The following PCDHGB3 variants were observed in gnomAD, a reference collection of about 807,000 sequenced individuals.
PCDHGB3 encodes the protein protocadherin gamma-B3.
PCDHGB3 carries 40 observed loss-of-function variants against 59.2 expected under a neutral mutation model. The observed-to-expected ratio is 0.68, with a 90% CI of 0.52 to 0.88. The LOEUF is 0.88. Among genes scored for constraint, PCDHGB3 ranks in the 40% least tolerant of loss-of-function variants. The pLI, the probability that PCDHGB3 is intolerant of heterozygous loss-of-function variation, is 0.00. For synonymous variants in PCDHGB3, 581 were observed against 503.6 expected, an observed-to-expected ratio of 1.15 and a Z score of -2.06; for missense variants, 1,309 against 1,187.9, an observed-to-expected ratio of 1.10 and a Z score of -1.50.
intron 1 of PCDHGB3, chr5:141,417,490 T>C (rs1296739869): frequency 4.7e-6 from 1 of 210,618 alleles, no homozygotes; most frequent in Non-Finnish European, 9.3e-6. Context: ...AAGGAATCAC[T>C]GAGGAAAAAG....
chr5:141,394,724 G>C (rs2093074353), intron 1 of PCDHGB3: 2 of 1,613,380 alleles, frequency 1.2e-6, no homozygotes, highest in Non-Finnish European at 1.7e-6. Context: ...ACAGAGATGC[G>C]CTCAAGCAGA....
intron 1 of PCDHGB3, chr5:141,422,658 C>T (rs2096662185): frequency 6.2e-7 from 1 of 1,609,912 alleles, no homozygotes; most frequent in Non-Finnish European, 8.5e-7. Context: ...CAGTGACCGC[C>T]CTCGACCCGG....
intron 1 of PCDHGB3, chr5:141,399,149 C>A: frequency 6.2e-7 from 1 of 1,613,772 alleles, no homozygotes; most frequent in Non-Finnish European, 8.5e-7. Flanking sequence ...GACAATAGCC[C>A]AGAAGTTACA....
rs750401937 is a variant in PCDHGB3 at position 141,487,357 on chromosome 5, T to G, written c.2416-7450T>G. 5.0e-6 allele frequency: 8 copies of G among 1,614,212 alleles called. No homozygotes were observed. The highest frequency in any genetic ancestry group is 6.8e-6 in the Non-Finnish European group (8 of 1,180,032). ...CCTGTGGAGTCACATGCTTTCCTGC[T>G]GGCACCTGTGCCTGTCTCACCAGAT... On this transcript the variant is annotated intron_variant, in intron 1 of 3. Transcript: ENST00000576222. This position sits in a 1 kb window ranked among gnomAD's most constrained non-coding sequence, Gnocchi z 5.0.
chr5:141,389,121 A>T (rs754294132), intron 1 of PCDHGB3: 2 of 1,613,910 alleles, frequency 1.2e-6, no homozygotes, highest in Non-Finnish European at 1.7e-6. Flanking sequence ...CCGCGAGCAG[A>T]ATCCAGAGTA....
chr5:141,384,995 C>T (rs1485778293), intron 1 of PCDHGB3: 2 of 1,614,034 alleles, frequency 1.2e-6, no homozygotes, highest in African/African-American at 1.3e-5. Context: ...GCGGTGGCCA[C>T]AGTCTCCTGC....
chr5:141,490,846 G>T lies in PCDHGB3; in HGVS notation c.2416-3961G>T. 1 of 1,613,880 alleles carries T rather than the reference G, an allele frequency of 6.2e-7. No individual in the cohort carries two copies. Among genetic ancestry groups the T allele is most frequent in the Non-Finnish European group, 8.5e-7 (1 of 1,179,906 alleles). ...GCAGATGCTGCAGATTGTGGTGGGG[G>T]TTCGAGACTCCGGCTCTCCCCCATT... On this transcript the variant is annotated intron_variant, in intron 1 of 3. Coordinates refer to ENST00000576222, the MANE Select transcript of PCDHGB3 (RefSeq NM_018924.5). This position sits in a 1 kb window ranked among gnomAD's most constrained non-coding sequence, Gnocchi z 5.4.
Position 141,454,549 on chromosome 5 carries a change from G to A in PCDHGB3, c.2416-40258G>A, listed in dbSNP as rs188623155. ...AGCCTCCCAAGTAGCTGAGATTACA[G>A]GCATGTGCCACCACGCCCGGCTAAT... On this transcript the variant is annotated intron_variant, in intron 1 of 3. Transcript: ENST00000576222. Among the ~76,000 whole-genome samples, 406 of 152,154 alleles carry A rather than the reference G, an allele frequency of 2.7e-3. 2 individuals are homozygous for A. The highest frequency in any genetic ancestry group is 0.021 in the South Asian group (99 of 4,814).
chr5:141,501,296 C>T (rs4912760), intron 2 of PCDHGB3, among the ~76,000 whole-genome samples: 1,659 of 80,026 alleles, frequency 0.021, 16 homozygotes, highest in African/African-American at 0.042. Flanking sequence ...CTTATACACA[C>T]ACACACACAC....
intron 1 of PCDHGB3, chr5:141,375,397 C>T: frequency 6.2e-7 from 1 of 1,614,010 alleles, no homozygotes; most frequent in Non-Finnish European, 8.5e-7. Flanking sequence ...AAACAATCAT[C>T]TCTCTAAATG....
chr5:141,484,962 G>A (rs2099604361), intron 1 of PCDHGB3: 1 of 577,858 alleles, frequency 1.7e-6, no homozygotes, highest in Non-Finnish European at 3.1e-6. Flanking sequence ...GGCTGAGCCC[G>A]GGAGCCGCTG....
intron 1 of PCDHGB3, among the ~76,000 whole-genome samples, chr5:141,381,181 G>A (rs1777044636): frequency 6.6e-6 from 1 of 152,230 alleles, no homozygotes; most frequent in African/African-American, 2.4e-5. Flanking sequence ...ACAAAACGAA[G>A]TTAAGCTTTC....
At position 141,386,477 on chromosome 5, in the gene PCDHGB3, G is replaced by A. The variant is rs78371655; in HGVS notation, c.2415+13668G>A. ...GACAGCTTGAACCCAAGAATTGGAG[G>A]CCCACCTAGATAATATAACAAGACT... is the stretch of plus-strand genomic sequence containing the variant. On this transcript the variant is annotated intron_variant, in intron 1 of 3. Coordinates refer to ENST00000576222, the MANE Select transcript of PCDHGB3 (RefSeq NM_018924.5). Among the ~76,000 whole-genome samples the A allele has an allele frequency of 2.5e-3, 384 of 151,668 alleles. 1 individual carries two copies. Among genetic ancestry groups the A allele is most frequent in the African/African-American group, 8.8e-3 (362 of 41,292 alleles).
intron 1 of PCDHGB3, chr5:141,385,358 T>G: frequency 6.5e-7 from 1 of 1,546,418 alleles, no homozygotes; most frequent in South Asian, 1.3e-5. Context: ...CCATGAGGAA[T>G]TTATTTGCAT....
In PCDHGB3 at chr5:141,394,083, G is replaced by A. The variant is rs146481056; in HGVS notation, c.2415+21274G>A. The A allele has an allele frequency of 3.1e-6, 5 of 1,613,826 alleles. No individual in the cohort carries two copies. The East Asian group carries it at 6.7e-5, about 22-fold the overall frequency. On this transcript the variant is annotated intron_variant, in intron 1 of 3. Transcript: ENST00000576222. ...CTCTATCTACAATATCACAGTGATG[G>A]CCTCAGATCTAGGAACACCACCTCT... is the stretch of plus-strand genomic sequence containing the variant.
At chr5:141,497,719 T>C (rs1311566820) in intron 2 of PCDHGB3, among the ~76,000 whole-genome samples, 2 of 152,076 alleles carry the variant, frequency 1.3e-5, no homozygotes, top group Non-Finnish European at 2.9e-5. Context: ...TTTGTATTTT[T>C]AGTAGAGATG....
chr5:141,383,971 G>GAA, intron 1 of PCDHGB3: 1 of 1,613,662 alleles, frequency 6.2e-7, no homozygotes, highest in African/African-American at 1.3e-5. Context: ...CTCAATCCCT[G>GAA]AAGACACACC....
At chr5:141,473,511 C>T (rs952034051) in intron 1 of PCDHGB3, among the ~76,000 whole-genome samples, 23 of 152,108 alleles carry the variant, frequency 1.5e-4, no homozygotes, top group Non-Finnish European at 3.1e-4. Flanking sequence ...GAGAGCATAA[C>T]AAAGGATCCT....
Position 141,511,107 on chromosome 5 carries a change from G to A in PCDHGB3, c.2724G>A (p.Arg908=), listed in dbSNP as rs2099883608. 1 of 1,614,220 alleles carries A rather than the reference G, an allele frequency of 6.2e-7. No homozygotes were observed. Among genetic ancestry groups the A allele is most frequent in the Non-Finnish European group, 8.5e-7 (1 of 1,180,020 alleles). Residue 908 remains arginine, a synonymous_variant, in exon 4 of 4, where the codon CGG becomes CGA. Coordinates refer to ENST00000576222, the MANE Select transcript of PCDHGB3 (RefSeq NM_018924.5). Reference sequence around the variant, plus strand: ...CACTGACCAACGCAGCTGGCAAGCGGGATGGCAAGGCCCCAGCAGGTGGCA... The same window carrying A: ...CACTGACCAACGCAGCTGGCAAGCGAGATGGCAAGGCCCCAGCAGGTGGCA... The part of the protein sequence containing the change: ...NATLTNAAGK[R]DGKAPAGGNG...
Sources: allele counts gnomAD v4.1 joint callset (sites outside exome capture counted in the v4.1 genomes callset), GRCh38; gene constraint gnomAD v4.1.1; non-coding constraint Gnocchi (gnomAD v3.1); transcripts MANE v1.5; gene names NCBI Gene and HGNC (gene_info 2026-07-23, HGNC 2026-07-21).